Variants in SNTG2 observed in about 807,000 individuals in gnomAD.
SNTG2 encodes the protein gamma-2-syntrophin.
SNTG2 carries 74 observed loss-of-function variants against 70.9 expected under a neutral mutation model. The observed-to-expected ratio is 1.04, with a 90% CI of 0.86 to 1.27. The LOEUF (loss-of-function observed/expected upper bound fraction) is 1.27, where lower values mean the gene tolerates loss of function less well. SNTG2 is among the 50% of genes most tolerant of loss of function. SNTG2 has a pLI of 0.00. For synonymous variants in SNTG2, 278 were observed against 273.8 expected (o/e 1.02, Z -0.15); for missense variants, 717 against 690.7 (o/e 1.04, Z -0.43).
At chr2:1,357,421 C>G (rs1660910960) in intron 16 of SNTG2, among the ~76,000 whole-genome samples, 1 of 152,030 alleles carries the variant, frequency 6.6e-6, no homozygotes, top group African/African-American at 2.4e-5. Context: ...CCCTATGTCC[C>G]AGGGATAAAT....
intron 1 of SNTG2, among the ~76,000 whole-genome samples, chr2:1,020,407 A>G (rs1425362799): frequency 6.6e-6 from 1 of 152,214 alleles, no homozygotes; most frequent in Non-Finnish European, 1.5e-5. Context: ...AACCATCAGC[A>G]GGCAGGCCAC....
intron 9 of SNTG2, among the ~76,000 whole-genome samples, chr2:1,209,497 A>G (rs1673896253): frequency 1.3e-5 from 2 of 152,242 alleles, no homozygotes; most frequent in Admixed American, 1.3e-4. Context: ...AGTCATTAGT[A>G]AAAGAAATTC....
chr2:981,265 C>T lies in SNTG2; in HGVS notation c.72+30197C>T, dbSNP rs75401008. On this transcript the variant is annotated intron_variant, in intron 1 of 16. Coordinates refer to ENST00000308624, the MANE Select transcript of SNTG2 (RefSeq NM_018968.4). Reference sequence around the variant, plus strand: ...CTCAGCAGCTTCATCAAGCAAATGGCAGTGGTTTGGGTGATTTCCAGGCTG... The same window carrying T: ...CTCAGCAGCTTCATCAAGCAAATGGTAGTGGTTTGGGTGATTTCCAGGCTG... Among the ~76,000 whole-genome samples the T allele has an allele frequency of 3.7e-4, 57 of 152,330 alleles. 1 individual carries two copies. In the East Asian group the frequency reaches 9.3e-3, roughly 25 times the overall value.
In SNTG2 at chr2:1,180,506, A is replaced by T. The variant is rs1411347473; in HGVS notation, c.591+7323A>T. On this transcript the variant is annotated intron_variant, in intron 8 of 16. Coordinates refer to ENST00000308624, the MANE Select transcript of SNTG2 (RefSeq NM_018968.4). ...TGGCCATCAGAGAAATGCAAATCAAAACCACATTGAGATACCATCTCACAC... is the reference window on the plus strand; with the variant it reads ...TGGCCATCAGAGAAATGCAAATCAATACCACATTGAGATACCATCTCACAC... Among the ~76,000 whole-genome samples, 8 of 136,796 alleles carry T rather than the reference A, an allele frequency of 5.8e-5. No individual in the cohort carries two copies. In the Admixed American group the frequency reaches 6.4e-4, roughly 11 times the overall value. The allele number at this position is 136,796 out of a possible 152,430, so 89.7% of individuals were successfully genotyped here. A position where few individuals can be genotyped will look rare whatever the true frequency, so the allele number is the denominator to read the frequency against.
At chr2:962,926 C>T (rs1294628798) in intron 1 of SNTG2, among the ~76,000 whole-genome samples, 2 of 152,178 alleles carry the variant, frequency 1.3e-5, no homozygotes, top group African/African-American at 4.8e-5. Flanking sequence ...GGTGCCTCTA[C>T]TAGCGGGGAA....
At chr2:1,253,718 A>T (rs1677891872) in intron 12 of SNTG2, among the ~76,000 whole-genome samples, 1 of 152,156 alleles carries the variant, frequency 6.6e-6, no homozygotes, top group African/African-American at 2.4e-5. Context: ...GGTAGTTTAT[A>T]AAGAAAAGAG....
At chr2:1,234,418 AT>A (rs1456370071) in intron 9 of SNTG2, among the ~76,000 whole-genome samples, 2 of 152,190 alleles carry the variant, frequency 1.3e-5, no homozygotes, top group Admixed American at 6.5e-5. Flanking sequence ...GCTTTCTTTG[AT>A]AAATTACAGA....
intron 14 of SNTG2, among the ~76,000 whole-genome samples, chr2:1,299,533 G>A (rs994479702): frequency 6.6e-6 from 1 of 152,128 alleles, no homozygotes; most frequent in African/African-American, 2.4e-5. Flanking sequence ...GAAGATCACT[G>A]GTCACAGGAT....
chr2:1,324,910 T>C (rs1372938211), intron 16 of SNTG2, among the ~76,000 whole-genome samples: 1 of 152,214 alleles, frequency 6.6e-6, no homozygotes, highest in Non-Finnish European at 1.5e-5. Flanking sequence ...GCTGGTAGTA[T>C]CTGTATGAAT....
intron 1 of SNTG2, among the ~76,000 whole-genome samples, chr2:968,078 T>C (rs1256874122): frequency 2.6e-5 from 4 of 152,154 alleles, no homozygotes; most frequent in Non-Finnish European, 1.5e-5. Context: ...TCCTTTAGTA[T>C]TTGTATTATT....
intron 16 of SNTG2, among the ~76,000 whole-genome samples, chr2:1,352,120 G>T (rs1660611918): frequency 6.6e-6 from 1 of 152,154 alleles, no homozygotes; most frequent in Non-Finnish European, 1.5e-5. Flanking sequence ...CTCGTGCCTT[G>T]GTTCCTGCCT....
intron 12 of SNTG2, among the ~76,000 whole-genome samples, chr2:1,251,608 G>GCACACACCACACACACCGCA (rs1306524826): frequency 8.2e-6 from 1 of 122,410 alleles, no homozygotes; most frequent in East Asian, 2.5e-4. Flanking sequence ...CCACACTCAT[G>GCACACACCACACACACCGCA]CACACACCAC....
intron 7 of SNTG2, among the ~76,000 whole-genome samples, chr2:1,168,607 C>T (rs752362399): frequency 7.2e-5 from 11 of 152,208 alleles, no homozygotes; most frequent in Non-Finnish European, 1.2e-4. Context: ...TCCTGAGCAA[C>T]CAGGAACAAA....
intron 4 of SNTG2, among the ~76,000 whole-genome samples, chr2:1,130,219 A>G (rs1667933091): frequency 6.6e-6 from 1 of 152,206 alleles, no homozygotes; most frequent in Non-Finnish European, 1.5e-5. Context: ...TGGACATCCC[A>G]GATTCATAGA....
intron 14 of SNTG2, among the ~76,000 whole-genome samples, chr2:1,290,533 T>C (rs1342501648): frequency 1.3e-5 from 2 of 152,162 alleles, no homozygotes; most frequent in African/African-American, 4.8e-5. Flanking sequence ...CAGACTGGTC[T>C]TGAGCTCCTG....
chr2:1,148,275 C>G (rs1376523687), intron 6 of SNTG2, among the ~76,000 whole-genome samples: 2 of 152,184 alleles, frequency 1.3e-5, no homozygotes, highest in African/African-American at 2.4e-5. Flanking sequence ...TCCTTATTTC[C>G]CACATGGAGA....
intron 14 of SNTG2, among the ~76,000 whole-genome samples, chr2:1,270,169 C>T (rs1279702771): frequency 1.3e-5 from 2 of 152,156 alleles, no homozygotes; most frequent in Non-Finnish European, 2.9e-5. Flanking sequence ...CTGAGCTCCA[C>T]CCCAGGTAGT....
chr2:1,335,916 A>G (rs141092394), intron 16 of SNTG2, among the ~76,000 whole-genome samples: 1 of 152,316 alleles, frequency 6.6e-6, no homozygotes, highest in Non-Finnish European at 1.5e-5. Context: ...TCTTTTAGGT[A>G]CATCACAGTC....
chr2:1,326,971 C>A (rs924962441), intron 16 of SNTG2, among the ~76,000 whole-genome samples: 1 of 152,046 alleles, frequency 6.6e-6, no homozygotes, highest in East Asian at 1.9e-4. Context: ...TAAAATCACA[C>A]CCCCAAGTCT....
Sources: allele counts gnomAD v4.1 joint callset (sites outside exome capture counted in the v4.1 genomes callset), GRCh38; gene constraint gnomAD v4.1.1; transcripts MANE v1.5; gene names NCBI Gene and HGNC (gene_info 2026-07-23, HGNC 2026-07-21).